The following CSF1R variants were observed in gnomAD, a reference collection of about 807,000 sequenced individuals.
CSF1R encodes the protein macrophage colony-stimulating factor 1 receptor.
A neutral mutation model predicts 110.0 loss-of-function variants in CSF1R; 40 were observed. That is an observed-to-expected ratio of 0.36 (90% confidence interval 0.28 to 0.47). The LOEUF (loss-of-function observed/expected upper bound fraction) is 0.47. CSF1R is among the 20% of genes least tolerant of loss of function. CSF1R has a pLI of 0.99. For missense variants in CSF1R, 1,052 were observed against 1,253.0 expected (o/e 0.84, Z 2.42); for synonymous variants, 523 against 503.4 (o/e 1.04, Z -0.52).
intron 1 of CSF1R, 150 bp downstream of exon 1, chr5:150,086,229 C>G: frequency 2.7e-6 from 2 of 741,672 alleles, no homozygotes; most frequent in South Asian, 1.8e-5. Context: ...CACTACCTCT[C>G]CAAAGCAGAT....
chr5:150,055,404 A>T, intron 18 of CSF1R, 68 bp from the exon 19 acceptor site: 1 of 1,313,168 alleles, frequency 7.6e-7, no homozygotes, highest in Non-Finnish European at 1.1e-6. Context: ...ACACCCACAC[A>T]CATCTTAGAC....
At chr5:150,094,271 A>G in intron 1 of CSF1R, 4 of 1,449,512 alleles carry the variant, frequency 2.8e-6, no homozygotes, top group Non-Finnish European at 3.8e-6. Flanking sequence ...ACTTTAGAAC[A>G]GAGCTTCAGT....
chr5:150,105,300 A>G (rs1384358681), intron 1 of CSF1R, among the ~76,000 whole-genome samples: 12 of 140,490 alleles, frequency 8.5e-5, no homozygotes, highest in Non-Finnish European at 1.4e-4. Context: ...GTGAGCCAAC[A>G]TTGTGCCACT....
At chr5:150,076,815 C>T in intron 5 of CSF1R, 1 of 233,378 alleles carries the variant, frequency 4.3e-6, no homozygotes, top group Non-Finnish European at 8.5e-6. Flanking sequence ...TTCTGCCCGG[C>T]CAACTCACCT....
intron 14 of CSF1R, chr5:150,058,202 A>G (rs905545854): frequency 1.5e-5 from 7 of 456,024 alleles, no homozygotes; most frequent in Non-Finnish European, 2.6e-5. Context: ...TCTGCAATGC[A>G]GATTTTGAAT....
At chr5:150,078,348 C>T in intron 3 of CSF1R, 100 bp from the exon 4 acceptor site, 2 of 1,442,768 alleles carry the variant, frequency 1.4e-6, no homozygotes, top group Non-Finnish European at 1.9e-6. Flanking sequence ...AGGCCAGGGT[C>T]CCCATCACTG....
chr5:150,109,058 G>GCCCCCCA (rs1554106341), intron 1 of CSF1R, among the ~76,000 whole-genome samples: 5 of 119,738 alleles, frequency 4.2e-5, no homozygotes, highest in Non-Finnish European at 7.4e-5. Context: ...GGAGAAGCCC[G>GCCCCCCA]CCCCCCCCCC....
chr5:150,073,602 G>A, intron 5 of CSF1R, 109 bp from the exon 6 acceptor site: 1 of 1,119,510 alleles, frequency 8.9e-7, no homozygotes, highest in Non-Finnish European at 1.3e-6. Context: ...CTATGTCACA[G>A]GTACATAGTC....
chr5:150,074,638 A>G (rs1758181888), intron 5 of CSF1R, among the ~76,000 whole-genome samples: 1 of 152,158 alleles, frequency 6.6e-6, no homozygotes, highest in Non-Finnish European at 1.5e-5. Context: ...CTCTGCCACA[A>G]GCCCTGGACT....
intron 5 of CSF1R, among the ~76,000 whole-genome samples, chr5:150,076,415 A>G (rs1758272075): frequency 6.6e-6 from 1 of 152,100 alleles, no homozygotes; most frequent in Non-Finnish European, 1.5e-5. Flanking sequence ...GTTACTGTTA[A>G]TATCTTCATT....
At chr5:150,069,777 C>A in intron 9 of CSF1R, 96 bp downstream of exon 9, 1 of 1,245,716 alleles carries the variant, frequency 8.0e-7, no homozygotes, top group Non-Finnish European at 1.1e-6. Context: ...GAGCCAACCC[C>A]AGCTCCCTCG....
chr5:150,073,294 G>A lies in CSF1R; in HGVS notation c.1082+7C>T. On this transcript the variant is annotated splice_region_variant and intron_variant, in intron 6 of 20. Coordinates refer to ENST00000675795, the MANE Select transcript of CSF1R (RefSeq NM_001288705.3). ...GGGCTGTGTAGACGGGAGCTGATAA[G>A]TGGTACCTGTATGTGTCCTTGGTGG... is the stretch of plus-strand genomic sequence containing the variant. 1 of 1,610,636 alleles carries A rather than the reference G, an allele frequency of 6.2e-7. No homozygotes were observed. Among genetic ancestry groups the A allele is most frequent in the Non-Finnish European group, 8.5e-7 (1 of 1,177,662 alleles).
chr5:150,111,429 C>T (rs1258074462), intron 1 of CSF1R, among the ~76,000 whole-genome samples: 2 of 152,224 alleles, frequency 1.3e-5, no homozygotes, highest in Non-Finnish European at 2.9e-5. Flanking sequence ...CCAGACCCTG[C>T]CTGCCCTCTG....
intron 20 of CSF1R, 38 bp from the exon 21 acceptor site, chr5:150,054,262 C>T (rs1396620493): frequency 6.2e-7 from 1 of 1,613,532 alleles, no homozygotes; most frequent in South Asian, 1.1e-5. Flanking sequence ...CAGTCCAGAT[C>T]CATCAGGCCC....
At chr5:150,076,948 T>C (rs1758291960) in intron 5 of CSF1R, 4 of 373,034 alleles carry the variant, frequency 1.1e-5, no homozygotes, top group Non-Finnish European at 2.0e-5. Context: ...TCTTTTCATG[T>C]TTCCATAAAG....
At chr5:150,075,685 T>C (rs1581314855) in intron 5 of CSF1R, among the ~76,000 whole-genome samples, 1 of 152,218 alleles carries the variant, frequency 6.6e-6, no homozygotes, top group East Asian at 1.9e-4. Flanking sequence ...GGGGTTGTTG[T>C]ATCTGTTTCA....
chr5:150,055,705 C>T (rs1160474071), intron 18 of CSF1R, among the ~76,000 whole-genome samples: 1 of 152,210 alleles, frequency 6.6e-6, no homozygotes, highest in African/African-American at 2.4e-5. Flanking sequence ...GTTCTTTCTA[C>T]TAGAGCCTAG....
intron 9 of CSF1R, 71 bp downstream of exon 9, chr5:150,069,802 A>C: frequency 2.6e-6 from 3 of 1,165,202 alleles, no homozygotes; most frequent in Non-Finnish European, 3.3e-6. Flanking sequence ...GGGGTGGGGG[A>C]GGAGCCGCCT....
intron 1 of CSF1R, among the ~76,000 whole-genome samples, chr5:150,100,118 G>A (rs78307948): frequency 0.011 from 1,666 of 152,058 alleles, 22 homozygotes; most frequent in African/African-American, 0.039. Context: ...GCTGAGGCAG[G>A]AGGATCCCTT....
Sources: allele counts gnomAD v4.1 joint callset (sites outside exome capture counted in the v4.1 genomes callset), GRCh38; gene constraint gnomAD v4.1.1; transcripts MANE v1.5; gene names NCBI Gene and HGNC (gene_info 2026-07-23, HGNC 2026-07-21).